The following ANK2 variants were observed in gnomAD, a reference collection of about 807,000 sequenced individuals.
The protein encoded by ANK2 is ankyrin 2.
Under a neutral mutation model 360.5 loss-of-function variants are expected in ANK2, and 83 were observed. The ratio of observed to expected loss-of-function variants is 0.23; its 90% confidence interval spans 0.19 to 0.28. ANK2 has a LOEUF of 0.28. Among genes scored for constraint, ANK2 ranks in the 10% least tolerant of loss-of-function variants. The pLI is 1.00. For missense variants in ANK2, 4,201 were observed against 4,795.7 expected, an observed-to-expected ratio of 0.88 and a Z score of 3.66; for synonymous variants, 1,740 against 1,759.5, an observed-to-expected ratio of 0.99 and a Z score of 0.28.
chr4:113,060,815 C>T (rs1430136676), intron 1 of ANK2, among the ~76,000 whole-genome samples: 2 of 150,452 alleles, frequency 1.3e-5, no homozygotes, highest in Non-Finnish European at 2.9e-5. Flanking sequence ...TGTGAATTCT[C>T]AGACTCAGCT....
the ANK2 span, among the ~76,000 whole-genome samples, chr4:112,783,486 CT>C: frequency 6.6e-6 from 1 of 152,108 alleles, no homozygotes; most frequent in Non-Finnish European, 1.5e-5. Context: ...TTTCTTTGAA[CT>C]TGTACTTCAC....
intron 1 of ANK2, among the ~76,000 whole-genome samples, chr4:113,170,927 A>G (rs567947889): frequency 4.3e-4 from 66 of 152,324 alleles, no homozygotes; most frequent in African/African-American, 1.4e-3. Flanking sequence ...TTCCTTGTCC[A>G]GAGTTTGACT....
chr4:113,268,613 G>C (rs939395786), intron 14 of ANK2, among the ~76,000 whole-genome samples: 3 of 152,154 alleles, frequency 2.0e-5, no homozygotes, highest in African/African-American at 7.2e-5. Context: ...TGATCGTGGT[G>C]GATAAGCTTT....
intron 2 of ANK2, among the ~76,000 whole-genome samples, chr4:112,926,033 G>A (rs1004872035): frequency 2.6e-5 from 4 of 152,152 alleles, no homozygotes; most frequent in Non-Finnish European, 5.9e-5. Flanking sequence ...GGGCTGAAGT[G>A]GGGGGAACCT....
chr4:112,874,814 G>A (rs2074489235), intron 1 of ANK2, among the ~76,000 whole-genome samples: 1 of 152,064 alleles, frequency 6.6e-6, no homozygotes, highest in Non-Finnish European at 1.5e-5. Context: ...AATCAATGGA[G>A]GTTTTTAGAA....
At chr4:112,908,790 A>G (rs1042771944) in intron 2 of ANK2, among the ~76,000 whole-genome samples, 1 of 151,906 alleles carries the variant, frequency 6.6e-6, no homozygotes, top group Admixed American at 6.5e-5. Flanking sequence ...CTTTCATTCC[A>G]AAACTCATTT....
At chr4:113,161,850 T>C (rs2097547969) in intron 1 of ANK2, among the ~76,000 whole-genome samples, 1 of 152,160 alleles carries the variant, frequency 6.6e-6, no homozygotes, top group African/African-American at 2.4e-5. Context: ...GGCCCTTCCT[T>C]ATTCCTAGGA....
intron 1 of ANK2, among the ~76,000 whole-genome samples, chr4:113,088,394 C>T (rs925869999): frequency 3.9e-5 from 6 of 152,122 alleles, no homozygotes; most frequent in Admixed American, 6.6e-5. Flanking sequence ...CATGTCTATG[C>T]AAACAAAACA....
intron 1 of ANK2, among the ~76,000 whole-genome samples, chr4:113,056,323 G>T (rs997657355): frequency 6.6e-6 from 1 of 152,150 alleles, no homozygotes; most frequent in African/African-American, 2.4e-5. Context: ...CTTTTCTGAA[G>T]TGTTGGAGGT....
chr4:112,957,321 A>T (rs1410866797), intron 2 of ANK2, among the ~76,000 whole-genome samples: 1 of 152,184 alleles, frequency 6.6e-6, no homozygotes, highest in East Asian at 1.9e-4. Context: ...CAGAGAGCAC[A>T]GGGTTAGGGG....
chr4:113,236,972 C>G lies in ANK2; in HGVS notation c.484-15C>G, dbSNP rs779788560. The G allele has an allele frequency of 1.9e-6, 3 of 1,613,660 alleles. No homozygotes were observed. In the African/African-American group the frequency reaches 4.0e-5, roughly 22 times the overall value. ...GAAGATGTTAACAGACAATTTTTAC[C>G]TTCCATTTTACCAGGATGGCTTTAC... is the stretch of plus-strand genomic sequence containing the variant. On this transcript the variant is annotated splice_polypyrimidine_tract_variant and intron_variant, in intron 5 of 45. Coordinates refer to ENST00000357077, the MANE Select transcript of ANK2 (RefSeq NM_001148.6).
intron 7 of ANK2, among the ~76,000 whole-genome samples, chr4:113,239,378 G>GAA (rs2099407663): frequency 6.6e-6 from 1 of 151,878 alleles, no homozygotes; most frequent in Non-Finnish European, 1.5e-5. Flanking sequence ...CAACTCAATA[G>GAA]AAAAAAAGTT....
At chr4:113,189,960 A>G (rs2098630071) in intron 2 of ANK2, among the ~76,000 whole-genome samples, 2 of 151,972 alleles carry the variant, frequency 1.3e-5, no homozygotes, top group African/African-American at 2.4e-5. Flanking sequence ...AGTCTTTTGG[A>G]TTGTATCTTT....
chr4:112,838,274 G>C (rs2061406961), intron 1 of ANK2, among the ~76,000 whole-genome samples: 1 of 152,158 alleles, frequency 6.6e-6, no homozygotes, highest in South Asian at 2.1e-4. Context: ...ATGATTGTAA[G>C]TTCCCTGAGG....
the ANK2 span, among the ~76,000 whole-genome samples, chr4:112,811,045 C>T: frequency 6.6e-6 from 1 of 151,728 alleles, no homozygotes; most frequent in Non-Finnish European, 1.5e-5. Context: ...ACGCCATTCT[C>T]CTGCCTCAGC....
intron 1 of ANK2, among the ~76,000 whole-genome samples, chr4:113,114,169 GGGCTTTTT>G (rs2094546476): frequency 6.6e-6 from 1 of 152,090 alleles, no homozygotes; most frequent in Non-Finnish European, 1.5e-5. Flanking sequence ...CCCTCAATGA[GGGCTTTTT>G]GAGTGGGTTC....
At chr4:113,096,785 G>A (rs1479679723) in intron 1 of ANK2, among the ~76,000 whole-genome samples, 2 of 152,012 alleles carry the variant, frequency 1.3e-5, no homozygotes, top group African/African-American at 4.8e-5. Context: ...CTTCAATGCT[G>A]TATGTAGAAA....
intron 36 of ANK2, among the ~76,000 whole-genome samples, chr4:113,348,607 T>C (rs2095147976): frequency 6.6e-6 from 1 of 152,130 alleles, no homozygotes; most frequent in Non-Finnish European, 1.5e-5. Flanking sequence ...CATCTAGTGG[T>C]TGAAACTCTT....
rs530067209 is a variant in ANK2 at position 113,190,982 on chromosome 4, A to G, written c.187-5386A>G. 3.7e-4 allele frequency among the ~76,000 whole-genome samples: 56 copies of G among 152,334 alleles called. No homozygotes were observed. In the South Asian group the frequency reaches 6.6e-3, roughly 18 times the overall value. On this transcript the variant is annotated intron_variant, in intron 2 of 45. Coordinates refer to ENST00000357077, the MANE Select transcript of ANK2 (RefSeq NM_001148.6). ...CAACTACTAAAGAAATAATTTACCT[A>G]TGTAATCTTATAAAAATTAATTTAA...
Sources: gnomAD v4.1 joint callset for allele counts (sites outside exome capture counted in the v4.1 genomes callset) on GRCh38, gnomAD v4.1.1 for gene constraint, MANE v1.5 for transcripts, NCBI Gene and HGNC (gene_info 2026-07-23, HGNC 2026-07-21) for gene names.